Variants in PIK3C2G observed in about 807,000 individuals in gnomAD.
PIK3C2G encodes phosphatidylinositol-4-phosphate 3-kinase catalytic subunit type 2 gamma.
Under a neutral mutation model 181.1 loss-of-function variants are expected in PIK3C2G, and 168 were observed. That is an observed-to-expected ratio of 0.93 (90% CI 0.82 to 1.05). PIK3C2G has a LOEUF of 1.05. Among genes scored for constraint, PIK3C2G ranks in the 50% least tolerant of loss-of-function variants. PIK3C2G has a pLI of 0.00. For missense variants in PIK3C2G, 1,869 were observed against 1,732.8 expected (o/e 1.08, Z -1.40); for synonymous variants, 573 against 592.2 (o/e 0.97, Z 0.47).
intron 26 of PIK3C2G, among the ~76,000 whole-genome samples, chr12:18,549,592 G>A (rs1944618372): frequency 6.6e-6 from 1 of 151,952 alleles, no homozygotes; most frequent in African/African-American, 2.4e-5. Context: ...TCCATATGTG[G>A]GCTCTCAGGA....
chr12:18,475,211 T>TA (rs1401103379), intron 18 of PIK3C2G, among the ~76,000 whole-genome samples: 3 of 152,224 alleles, frequency 2.0e-5, no homozygotes, highest in South Asian at 2.1e-4. Flanking sequence ...GCTTATATCT[T>TA]AAATAAGACT....
At chr12:18,505,060 G>T (rs143950335) in intron 23 of PIK3C2G, among the ~76,000 whole-genome samples, 1 of 152,092 alleles carries the variant, frequency 6.6e-6, no homozygotes, top group African/African-American at 2.4e-5. Flanking sequence ...AATATTTTCC[G>T]CAGTTTCAGT....
chr12:18,409,724 G>A (rs1944748200), intron 16 of PIK3C2G, among the ~76,000 whole-genome samples: 1 of 152,036 alleles, frequency 6.6e-6, no homozygotes. Flanking sequence ...AAAAAGAGAT[G>A]TGTCAAGGAT....
chr12:18,435,093 T>C (rs1946376617), intron 18 of PIK3C2G, among the ~76,000 whole-genome samples: 1 of 151,988 alleles, frequency 6.6e-6, no homozygotes, highest in South Asian at 2.1e-4. Context: ...TCAATATTCC[T>C]ACCCTCTACC....
At chr12:18,582,021 A>G (rs563900003) in intron 29 of PIK3C2G, among the ~76,000 whole-genome samples, 14 of 152,302 alleles carry the variant, frequency 9.2e-5, no homozygotes, top group African/African-American at 3.4e-4. Context: ...AATGCTACTG[A>G]TGGTCAAAAA....
intron 15 of PIK3C2G, among the ~76,000 whole-genome samples, chr12:18,397,778 G>A (rs1056541970): frequency 2.0e-5 from 3 of 152,078 alleles, no homozygotes; most frequent in African/African-American, 7.2e-5. Flanking sequence ...ATATTTCCTA[G>A]GAGAAATGAA....
chr12:18,289,015 A>G (rs1949574907), intron 3 of PIK3C2G, among the ~76,000 whole-genome samples: 1 of 151,828 alleles, frequency 6.6e-6, no homozygotes, highest in Non-Finnish European at 1.5e-5. Context: ...GCCATAAGTT[A>G]TATTCACACA....
intron 16 of PIK3C2G, among the ~76,000 whole-genome samples, chr12:18,414,512 AC>A (rs1284272526): frequency 6.6e-6 from 1 of 152,036 alleles, no homozygotes; most frequent in African/African-American, 2.4e-5. Context: ...ATTTCATTAA[AC>A]TTTTTTACTA....
chr12:18,637,534 CCTG>C (rs1165079331), intron 31 of PIK3C2G, among the ~76,000 whole-genome samples: 2 of 152,092 alleles, frequency 1.3e-5, no homozygotes, highest in African/African-American at 4.8e-5. Flanking sequence ...CTGCTTTGGC[CCTG>C]CTGTCCGCTA....
chr12:18,688,347 G>T, the PIK3C2G span: 1 of 896,272 alleles, frequency 1.1e-6, no homozygotes, highest in Non-Finnish European at 1.6e-6. Context: ...CATTGAAAGT[G>T]GAATACAATA....
the PIK3C2G span, among the ~76,000 whole-genome samples, chr12:18,694,648 T>C: frequency 5.3e-5 from 8 of 152,190 alleles, no homozygotes; most frequent in African/African-American, 1.9e-4. Context: ...TACAATGAAA[T>C]CATATAGTAG....
Position 18,392,068 on chromosome 12 carries a change from A to G in PIK3C2G, c.2126+816A>G, listed in dbSNP as rs148204537. Among the ~76,000 whole-genome samples, 25 of 152,294 alleles carry G rather than the reference A, an allele frequency of 1.6e-4. No homozygotes were observed. The East Asian group carries it at 4.6e-3, about 28-fold the overall frequency. ...ACGTGACAGTAGAAGCAAGCAGTGC[A>G]GCAAGGAGGTGAATGTAACAGTTTA... is the stretch of plus-strand genomic sequence containing the variant. On this transcript the variant is annotated intron_variant, in intron 15 of 32. Transcript: ENST00000538779.
intron 22 of PIK3C2G, among the ~76,000 whole-genome samples, chr12:18,499,661 C>T (rs1162035912): frequency 1.3e-5 from 2 of 152,186 alleles, no homozygotes; most frequent in Admixed American, 1.3e-4. Flanking sequence ...CCAACCCAAG[C>T]GCACTAAATC....
At chr12:18,515,471 T>C (rs1295667144) in intron 24 of PIK3C2G, among the ~76,000 whole-genome samples, 1 of 151,996 alleles carries the variant, frequency 6.6e-6, no homozygotes, top group Non-Finnish European at 1.5e-5. Context: ...TATCCAGTAA[T>C]TTACCTATTT....
chr12:18,459,929 AT>A (rs1432745592), intron 18 of PIK3C2G, among the ~76,000 whole-genome samples: 1 of 152,008 alleles, frequency 6.6e-6, no homozygotes, highest in African/African-American at 2.4e-5. Context: ...CGTCTGTCTA[AT>A]TTTTGTATAT....
At chr12:18,650,664 A>ATATGTGTG (rs1491090562), downstream of PIK3C2G, among the ~76,000 whole-genome samples, 3 of 35,592 alleles carry the variant, frequency 8.4e-5, no homozygotes, top group African/African-American at 3.0e-4. Flanking sequence ...TGGAATATAA[A>ATATGTGTG]TGTGTGTGTG....
At chr12:18,343,697 T>C (rs566393486) in intron 10 of PIK3C2G, among the ~76,000 whole-genome samples, 1 of 152,272 alleles carries the variant, frequency 6.6e-6, no homozygotes, top group Admixed American at 6.5e-5. Flanking sequence ...ACCATTTACT[T>C]AATTATATTT....
chr12:18,345,256 T>C (rs1939559789), intron 10 of PIK3C2G, among the ~76,000 whole-genome samples: 1 of 152,170 alleles, frequency 6.6e-6, no homozygotes, highest in Non-Finnish European at 1.5e-5. Context: ...GAGGCCTCTT[T>C]TAAGACTATT....
chr12:18,612,504 A>G (rs909537314), intron 31 of PIK3C2G, among the ~76,000 whole-genome samples: 32 of 152,096 alleles, frequency 2.1e-4, no homozygotes, highest in African/African-American at 6.8e-4. Flanking sequence ...CATGTGAACA[A>G]CTAAGGACTA....
Sources: allele counts gnomAD v4.1 joint callset (sites outside exome capture counted in the v4.1 genomes callset), GRCh38; gene constraint gnomAD v4.1.1; transcripts MANE v1.5; gene names NCBI Gene and HGNC (gene_info 2026-07-23, HGNC 2026-07-21).